The following DNAH7 variants were observed in gnomAD, a reference collection of about 807,000 sequenced individuals.
DNAH7 encodes axonemal beta dynein heavy chain 7.
A neutral mutation model predicts 444.6 loss-of-function variants in DNAH7; 397 were observed. That is an observed-to-expected ratio of 0.89 (90% CI 0.82 to 0.97). The LOEUF (loss-of-function observed/expected upper bound fraction) is 0.97. Ranked by LOEUF, DNAH7 falls within the 50% of genes least tolerant of loss-of-function variation. The pLI is 0.00. For missense variants in DNAH7, 4,902 were observed against 4,800.8 expected, an observed-to-expected ratio of 1.02 and a Z score of -0.62; for synonymous variants, 1,636 against 1,624.4, an observed-to-expected ratio of 1.01 and a Z score of -0.17.
At chr2:195,973,920 T>C (rs1692016200) in intron 15 of DNAH7, among the ~76,000 whole-genome samples, 1 of 152,022 alleles carries the variant, frequency 6.6e-6, no homozygotes, top group African/African-American at 2.4e-5. Context: ...ACTAAAAATA[T>C]ATAAATAATT....
At chr2:195,802,631 T>C (rs1181587214) in intron 54 of DNAH7, among the ~76,000 whole-genome samples, 1 of 151,800 alleles carries the variant, frequency 6.6e-6, no homozygotes, top group Non-Finnish European at 1.5e-5. Context: ...ATGGTGCCAC[T>C]GCATTCCAGC....
At chr2:196,058,377 C>T (rs1237980421) in intron 1 of DNAH7, among the ~76,000 whole-genome samples, 2 of 152,132 alleles carry the variant, frequency 1.3e-5, no homozygotes, top group African/African-American at 2.4e-5. Context: ...ATATAGGATA[C>T]GCCAGGAGGG....
At chr2:195,950,250 T>G (rs1690128942) in intron 19 of DNAH7, among the ~76,000 whole-genome samples, 1 of 151,966 alleles carries the variant, frequency 6.6e-6, no homozygotes, top group South Asian at 2.1e-4. Flanking sequence ...TTTTTTTTGG[T>G]TGGTAGGCTA....
intron 2 of DNAH7, among the ~76,000 whole-genome samples, chr2:196,057,645 A>G (rs1000596064): frequency 1.3e-5 from 2 of 152,248 alleles, no homozygotes; most frequent in African/African-American, 4.8e-5. Flanking sequence ...TCAACTCTGC[A>G]TAAAGCAGTC....
intron 1 of DNAH7, among the ~76,000 whole-genome samples, chr2:196,061,585 T>C (rs1698136939): frequency 6.6e-6 from 1 of 152,208 alleles, no homozygotes; most frequent in Non-Finnish European, 1.5e-5. Flanking sequence ...ACACATTTAA[T>C]TCAGTAGTAA....
At chr2:195,877,905 G>A (rs1401124899) in intron 36 of DNAH7, among the ~76,000 whole-genome samples, 5 of 152,168 alleles carry the variant, frequency 3.3e-5, no homozygotes, top group African/African-American at 1.2e-4. Flanking sequence ...TTGCCAGTTA[G>A]AATAGCAAAA....
chr2:196,052,256 T>A lies in DNAH7; in HGVS notation c.79-1007A>T, dbSNP rs1004899632. The stretch of plus-strand genomic sequence containing the variant: ...GAAGGGACGGCTCTTCCAAGTTTGT[T>A]CCTTGAGCACTCTCTCTCAGACCTA... On this transcript the variant is annotated intron_variant, in intron 2 of 64. Coordinates refer to ENST00000312428, the MANE Select transcript of DNAH7 (RefSeq NM_018897.3). Among the ~76,000 whole-genome samples, 5 of 152,188 alleles carry A rather than the reference T, an allele frequency of 3.3e-5. No homozygotes were observed. In the East Asian group the frequency reaches 9.6e-4, roughly 29 times the overall value.
chr2:196,021,779 G>A (rs1695397385), intron 8 of DNAH7, among the ~76,000 whole-genome samples: 1 of 151,902 alleles, frequency 6.6e-6, no homozygotes, highest in African/African-American at 2.4e-5. Context: ...CTGTGATCAT[G>A]CCACTGCACT....
chr2:195,787,009 C>T lies in DNAH7; in HGVS notation c.10878+1G>A. On this transcript the variant is annotated splice_donor_variant, in intron 58 of 64. Coordinates refer to ENST00000312428, the MANE Select transcript of DNAH7 (RefSeq NM_018897.3). LOFTEE classifies it high-confidence loss of function. ...TGTCCTTGCTGTGATTTTTATGATA[C>T]CTCATACTGGTTCAGGAACATGTGG... The T allele has an allele frequency of 1.3e-6, 2 of 1,576,552 alleles. No homozygotes were observed. The highest frequency in any genetic ancestry group is 1.7e-6 in the Non-Finnish European group (2 of 1,166,174).
intron 9 of DNAH7, among the ~76,000 whole-genome samples, chr2:196,015,958 G>C (rs570521764): frequency 2.0e-5 from 3 of 152,264 alleles, no homozygotes; most frequent in Non-Finnish European, 2.9e-5. Flanking sequence ...CAGACTGCAA[G>C]GCTTCTTTCC....
At chr2:196,063,757 T>C (rs1188143465) in intron 1 of DNAH7, 2 of 152,302 alleles carry the variant, frequency 1.3e-5, no homozygotes, top group Non-Finnish European at 2.9e-5. Flanking sequence ...TGAGGATGGC[T>C]GTAGTCAGTG....
chr2:195,752,270 CAAAA>C (rs67890551), intron 63 of DNAH7, among the ~76,000 whole-genome samples: 4 of 132,682 alleles, frequency 3.0e-5, no homozygotes, highest in Non-Finnish European at 4.9e-5. Context: ...GACCCTATCT[CAAAA>C]AAAAAAAAAA....
chr2:195,763,163 T>A (rs1227062219), intron 61 of DNAH7, among the ~76,000 whole-genome samples: 1 of 152,014 alleles, frequency 6.6e-6, no homozygotes, highest in Non-Finnish European at 1.5e-5. Context: ...TTGAAACACA[T>A]GATAATGGAA....
intron 46 of DNAH7, among the ~76,000 whole-genome samples, chr2:195,852,984 G>A (rs1478463059): frequency 6.6e-6 from 1 of 150,736 alleles, no homozygotes; most frequent in African/African-American, 2.4e-5. Context: ...ACTTGCTTAG[G>A]AACTGAGATG....
At chr2:195,905,170 T>C (rs1484858746) in intron 27 of DNAH7, 1 of 152,196 alleles carries the variant, frequency 6.6e-6, no homozygotes, top group Non-Finnish European at 1.5e-5. Flanking sequence ...CCCAGCTTTC[T>C]ATAACAAGCT....
chr2:195,852,688 G>A (rs1181962981), intron 46 of DNAH7, among the ~76,000 whole-genome samples: 4 of 152,174 alleles, frequency 2.6e-5, no homozygotes, highest in South Asian at 2.1e-4. Flanking sequence ...AGGGTTAGAT[G>A]TTCCGCCAGG....
At chr2:196,020,621 T>C (rs1038053355) in intron 8 of DNAH7, among the ~76,000 whole-genome samples, 2 of 151,082 alleles carry the variant, frequency 1.3e-5, no homozygotes, top group African/African-American at 4.9e-5. Context: ...TGTTTTTTTT[T>C]TTTTTTTGAG....
chr2:196,061,080 AC>A (rs1434165697), intron 1 of DNAH7, among the ~76,000 whole-genome samples: 1 of 152,182 alleles, frequency 6.6e-6, no homozygotes, highest in African/African-American at 2.4e-5. Context: ...TACCCCACAT[AC>A]TTATTTTTTG....
At chr2:195,755,431 G>A (rs1474072593) in intron 62 of DNAH7, among the ~76,000 whole-genome samples, 1 of 152,178 alleles carries the variant, frequency 6.6e-6, no homozygotes, top group Non-Finnish European at 1.5e-5. Flanking sequence ...AATTAGAGAA[G>A]CCAATCTGAA....
Sources: allele counts gnomAD v4.1 joint callset (sites outside exome capture counted in the v4.1 genomes callset), GRCh38; gene constraint gnomAD v4.1.1; transcripts MANE v1.5; gene names NCBI Gene and HGNC (gene_info 2026-07-23, HGNC 2026-07-21).